Variants in OR1J2 observed in about 807,000 individuals in gnomAD.
OR1J2 encodes olfactory receptor family 1 subfamily J member 2.
For missense variants in OR1J2, 304 were observed against 246.1 expected (o/e 1.24, Z -1.57); for synonymous variants, 142 against 99.7 (o/e 1.42, Z -2.52).
chr9:122,492,789 T>A, the OR1J2 span, among the ~76,000 whole-genome samples: 4 of 152,176 alleles, frequency 2.6e-5, no homozygotes, highest in African/African-American at 4.8e-5. Flanking sequence ...TTTGTTCCAG[T>A]TCTCAGGGGG....
At chr9:122,458,381 G>C in the OR1J2 span, among the ~76,000 whole-genome samples, 6 of 152,056 alleles carry the variant, frequency 3.9e-5, no homozygotes, top group African/African-American at 1.4e-4. Context: ...TATTTTGATG[G>C]GTTCAAAAAG....
chr9:122,499,936 C>T, the OR1J2 span, among the ~76,000 whole-genome samples: 1 of 152,178 alleles, frequency 6.6e-6, no homozygotes, highest in East Asian at 1.9e-4. Context: ...AGTGTTGCTG[C>T]CCAGGAGAAG....
At chr9:122,448,422 G>T in the OR1J2 span, among the ~76,000 whole-genome samples, 1 of 152,076 alleles carries the variant, frequency 6.6e-6, no homozygotes, top group Non-Finnish European at 1.5e-5. Context: ...CAGTTCCCAG[G>T]GGCAGGCAGG....
chr9:122,573,730 A>G, the OR1J2 span, among the ~76,000 whole-genome samples: 1 of 152,222 alleles, frequency 6.6e-6, no homozygotes, highest in Non-Finnish European at 1.5e-5. Flanking sequence ...TTTGCAGAAC[A>G]GAAAAGTTTA....
At chr9:122,527,324 CAGTT>C in the OR1J2 span, 120,219 of 1,391,500 alleles carry the variant, frequency 0.086, 6,583 homozygotes, top group East Asian at 0.24. Flanking sequence ...TGAGGGAAGA[CAGTT>C]AGAATGCTAG....
At chr9:122,524,485 G>A in the OR1J2 span, among the ~76,000 whole-genome samples, 1 of 152,204 alleles carries the variant, frequency 6.6e-6, no homozygotes, top group Non-Finnish European at 1.5e-5. Flanking sequence ...AGGCAACAGT[G>A]TCCGTTGATG....
upstream of OR1J2, chr9:122,510,771 A>G (rs767477603): frequency 9.9e-6 from 12 of 1,215,306 alleles, no homozygotes; most frequent in Non-Finnish European, 1.4e-5. Flanking sequence ...ATTCTCAAGC[A>G]TTCTTCATCT....
chr9:122,519,421 A>C, the OR1J2 span: 12 of 1,614,072 alleles, frequency 7.4e-6, no homozygotes, highest in Non-Finnish European at 9.3e-6. Flanking sequence ...TCCATTCTTT[A>C]TGCAGGGTGT....
chr9:122,519,608 CCT>C, the OR1J2 span: 1 of 1,614,042 alleles, frequency 6.2e-7, no homozygotes. Flanking sequence ...GTACCAATGC[CCT>C]GTCTCACACT....
the OR1J2 span, chr9:122,447,572 G>A: frequency 2.0e-5 from 3 of 152,100 alleles, no homozygotes; most frequent in South Asian, 6.2e-4. Context: ...ACAAGGGCTT[G>A]TTCAGGAGAG....
the OR1J2 span, chr9:122,568,822 T>A: frequency 5.2e-6 from 1 of 191,958 alleles, no homozygotes; most frequent in East Asian, 1.3e-4. Context: ...CAGACAGATT[T>A]CTGCTTATGT....
At chr9:122,463,539 T>A in the OR1J2 span, among the ~76,000 whole-genome samples, 5 of 152,318 alleles carry the variant, frequency 3.3e-5, no homozygotes, top group Admixed American at 3.3e-4. Flanking sequence ...TCTGGTTCCT[T>A]CTCATTTGGG....
chr9:122,535,600 A>G, the OR1J2 span, among the ~76,000 whole-genome samples: 1 of 152,132 alleles, frequency 6.6e-6, no homozygotes, highest in African/African-American at 2.4e-5. Context: ...GAGGCCGCTT[A>G]CCGGATTTGA....
the OR1J2 span, among the ~76,000 whole-genome samples, chr9:122,465,797 C>T: frequency 2.0e-5 from 3 of 152,182 alleles, no homozygotes; most frequent in Admixed American, 1.3e-4. Flanking sequence ...TCTTCTCTTT[C>T]CCCTGTTCCT....
chr9:122,447,884 C>T, the OR1J2 span, among the ~76,000 whole-genome samples: 1 of 152,178 alleles, frequency 6.6e-6, no homozygotes, highest in Non-Finnish European at 1.5e-5. Context: ...CATCTGTAAT[C>T]TCAGCACTTT....
the OR1J2 span, chr9:122,567,781 A>T: frequency 6.2e-7 from 1 of 1,614,038 alleles, no homozygotes; most frequent in Non-Finnish European, 8.5e-7. Flanking sequence ...CGTTTCCCAG[A>T]AGTAGAGGGA....
the OR1J2 span, among the ~76,000 whole-genome samples, chr9:122,463,331 T>C: frequency 6.6e-6 from 1 of 152,220 alleles, no homozygotes; most frequent in African/African-American, 2.4e-5. Context: ...ATTCATATCC[T>C]GTATCTTTTT....
the OR1J2 span, among the ~76,000 whole-genome samples, chr9:122,494,898 G>A: frequency 6.6e-6 from 1 of 152,100 alleles, no homozygotes; most frequent in African/African-American, 2.4e-5. Context: ...AATTTGCTCA[G>A]CATTTGTTTG....
rs150299329 is a variant in OR1J2, at chr9:122,510,974, C to A, written c.173C>A (p.Pro58His). Residue 58 changes from proline (P) to histidine (H), a missense_variant, in exon 1 of 1, where the codon CCC becomes CAC. Coordinates refer to ENST00000335302, the MANE Select transcript of OR1J2 (RefSeq NM_054107.1). ...LIQLDSHLHT[P>H]MYFFLSHLAL... The stretch of plus-strand genomic sequence containing the variant: ...CAGCTGGACTCTCACCTTCACACCC[C>A]CATGTACTTCTTCCTCAGCCACTTG... 5 of 1,611,962 alleles carry A rather than the reference C, an allele frequency of 3.1e-6. No homozygotes were observed. In the African/African-American group the frequency reaches 5.3e-5, roughly 17 times the overall value.
Sources: allele counts gnomAD v4.1 joint callset (sites outside exome capture counted in the v4.1 genomes callset), GRCh38; gene constraint gnomAD v4.1.1; transcripts MANE v1.5; gene names NCBI Gene and HGNC (gene_info 2026-07-23, HGNC 2026-07-21).